The following WDR70 variants were observed in gnomAD, a reference collection of about 807,000 sequenced individuals.
WDR70 encodes WD repeat domain 70, also known as WD repeat-containing protein 70.
In WDR70, 53 loss-of-function variants were observed where a neutral mutation model predicts 88.6. The ratio of observed to expected loss-of-function variants is 0.60; its 90% CI spans 0.48 to 0.75. The LOEUF (loss-of-function observed/expected upper bound fraction) is 0.75. Ranked by LOEUF, WDR70 falls within the 30% of genes least tolerant of loss-of-function variation. The pLI is 0.00. For missense variants in WDR70, 610 were observed against 823.2 expected (o/e 0.74, Z 3.17); for synonymous variants, 280 against 270.0 (o/e 1.04, Z -0.36).
chr5:37,522,700 G>T (rs1230338942), intron 9 of WDR70, among the ~76,000 whole-genome samples: 1 of 152,170 alleles, frequency 6.6e-6, no homozygotes, highest in African/African-American at 2.4e-5. Context: ...CACCTGGGAA[G>T]CACAAGGGGT....
intron 9 of WDR70, among the ~76,000 whole-genome samples, chr5:37,548,535 G>A (rs1293534182): frequency 6.6e-6 from 1 of 151,992 alleles, no homozygotes; most frequent in Non-Finnish European, 1.5e-5. Context: ...ATATATTTTT[G>A]TTATTAATCC....
chr5:37,609,629 C>T (rs893673511), intron 10 of WDR70, among the ~76,000 whole-genome samples: 1 of 152,204 alleles, frequency 6.6e-6, no homozygotes, highest in Non-Finnish European at 1.5e-5. Context: ...CAACTTGACC[C>T]CTGCTCTATC....
chr5:37,606,788 G>A (rs1377284918), intron 10 of WDR70, among the ~76,000 whole-genome samples: 2 of 151,796 alleles, frequency 1.3e-5, no homozygotes, highest in Non-Finnish European at 2.9e-5. Flanking sequence ...GGATACAAAT[G>A]TGTGTCAACT....
At chr5:37,445,306 T>A (rs1738426109) in intron 7 of WDR70, among the ~76,000 whole-genome samples, 1 of 150,718 alleles carries the variant, frequency 6.6e-6, no homozygotes, top group African/African-American at 2.4e-5. Context: ...GTTTGGTATA[T>A]GTAACTGTCC....
chr5:37,597,105 T>C (rs1408920306), intron 9 of WDR70, among the ~76,000 whole-genome samples: 1 of 152,306 alleles, frequency 6.6e-6, no homozygotes, highest in Non-Finnish European at 1.5e-5. Context: ...AGAATGAAGA[T>C]TTGGGGTTGT....
At chr5:37,394,285 CAA>C (rs199867827) in intron 4 of WDR70, among the ~76,000 whole-genome samples, 16 of 95,806 alleles carry the variant, frequency 1.7e-4, no homozygotes, top group Non-Finnish European at 1.5e-4. Context: ...GACTCTGTCT[CAA>C]AAAAAAAAAA....
Position 37,517,238 on chromosome 5 carries a change from A to G in WDR70, c.917+648A>G, listed in dbSNP as rs114902354. ...TATTTCCATCTGAGTCTAATAGCTA[A>G]CATAAGCTTATTGGCTAAGATTGAT... On this transcript the variant is annotated intron_variant, in intron 9 of 17. Coordinates refer to ENST00000265107, the MANE Select transcript of WDR70 (RefSeq NM_018034.4). 8.2e-3 allele frequency among the ~76,000 whole-genome samples: 1,244 copies of G among 152,340 alleles called. 9 individuals are homozygous for G. Among genetic ancestry groups the G allele is most frequent in the African/African-American group, 0.02 (843 of 41,562 alleles).
chr5:37,448,649 T>C (rs181019158), intron 7 of WDR70, among the ~76,000 whole-genome samples: 65 of 152,346 alleles, frequency 4.3e-4, no homozygotes, highest in African/African-American at 1.4e-3. Context: ...GTTTTTCTTA[T>C]GATTAACATC....
At chr5:37,571,196 T>C (rs1420112653) in intron 9 of WDR70, among the ~76,000 whole-genome samples, 1 of 152,180 alleles carries the variant, frequency 6.6e-6, no homozygotes, top group Non-Finnish European at 1.5e-5. Flanking sequence ...AAAACCGAAA[T>C]TTCTAAGTAG....
chr5:37,713,418 G>A (rs1747571280), intron 13 of WDR70, among the ~76,000 whole-genome samples: 1 of 152,106 alleles, frequency 6.6e-6, no homozygotes, highest in African/African-American at 2.4e-5. Context: ...AATAGTCAGT[G>A]TATCCCTTTT....
chr5:37,571,782 T>A (rs964557035), intron 9 of WDR70, among the ~76,000 whole-genome samples: 1 of 152,172 alleles, frequency 6.6e-6, no homozygotes, highest in Non-Finnish European at 1.5e-5. Context: ...TCAAATTCTT[T>A]TCTACACCTG....
intron 9 of WDR70, among the ~76,000 whole-genome samples, chr5:37,574,227 A>G (rs1742991949): frequency 6.6e-6 from 1 of 152,188 alleles, no homozygotes; most frequent in Admixed American, 6.5e-5. Context: ...CATACTACCC[A>G]CAGTGTGCTC....
At chr5:37,631,079 G>A (rs1354610719) in intron 10 of WDR70, among the ~76,000 whole-genome samples, 2 of 152,144 alleles carry the variant, frequency 1.3e-5, no homozygotes, top group Non-Finnish European at 2.9e-5. Context: ...TCCAGGTCGG[G>A]GAGATGGGGT....
At chr5:37,519,356 G>A (rs1193745407) in intron 9 of WDR70, among the ~76,000 whole-genome samples, 7 of 144,856 alleles carry the variant, frequency 4.8e-5, no homozygotes, top group Non-Finnish European at 9.1e-5. Context: ...TGGGCGGGTG[G>A]GCAGAGACGC....
At chr5:37,622,192 A>G (rs1288303225) in intron 10 of WDR70, among the ~76,000 whole-genome samples, 1 of 152,166 alleles carries the variant, frequency 6.6e-6, no homozygotes, top group Admixed American at 6.5e-5. Flanking sequence ...CCACAATGAG[A>G]TACCATCTCT....
intron 17 of WDR70, among the ~76,000 whole-genome samples, chr5:37,739,976 G>A (rs982606331): frequency 6.6e-6 from 1 of 152,168 alleles, no homozygotes; most frequent in Non-Finnish European, 1.5e-5. Context: ...GGTTGTTATT[G>A]TTTTTATTTG....
At chr5:37,490,336 A>C (rs1195472739) in intron 8 of WDR70, among the ~76,000 whole-genome samples, 2 of 152,064 alleles carry the variant, frequency 1.3e-5, no homozygotes, top group Non-Finnish European at 2.9e-5. Context: ...TCCTCAGGGC[A>C]TGTGGAAATG....
At chr5:37,515,101 G>T (rs1018388665) in intron 8 of WDR70, among the ~76,000 whole-genome samples, 1 of 151,846 alleles carries the variant, frequency 6.6e-6, no homozygotes, top group African/African-American at 2.4e-5. Flanking sequence ...AAGCATGAGA[G>T]AATGTTGTGA....
intron 10 of WDR70, among the ~76,000 whole-genome samples, chr5:37,629,610 G>A (rs377732147): frequency 3.3e-5 from 5 of 151,946 alleles, no homozygotes; most frequent in African/African-American, 1.2e-4. Flanking sequence ...CTCAGCTCTA[G>A]GATTTCTTTT....
Sources: allele counts gnomAD v4.1 joint callset (sites outside exome capture counted in the v4.1 genomes callset), GRCh38; gene constraint gnomAD v4.1.1; transcripts MANE v1.5; gene names NCBI Gene and HGNC (gene_info 2026-07-23, HGNC 2026-07-21).